The following SCML4 variants were observed in gnomAD, a reference collection of about 807,000 sequenced individuals.
The protein encoded by SCML4 is sex comb on midleg-like protein 4.
In SCML4, 34 loss-of-function variants were observed where a neutral mutation model predicts 41.1. That is an observed-to-expected ratio of 0.83 (90% CI 0.63 to 1.10). SCML4 has a LOEUF of 1.10. Among genes scored for constraint, SCML4 ranks in the 50% least tolerant of loss-of-function variants. The probability of loss-of-function intolerance (pLI) is 0.00; values close to 1 mark genes in which losing one functional copy is unlikely to be tolerated. For missense variants in SCML4, 522 were observed against 534.1 expected (o/e 0.98, Z 0.22); for synonymous variants, 214 against 220.9 (o/e 0.97, Z 0.28).
At chr6:107,768,682 A>C (rs1780271768) in intron 2 of SCML4, among the ~76,000 whole-genome samples, 1 of 152,250 alleles carries the variant, frequency 6.6e-6, no homozygotes, top group Admixed American at 6.5e-5. Context: ...GGATCAAATA[A>C]GAAATACACA....
intron 1 of SCML4, among the ~76,000 whole-genome samples, chr6:107,808,315 G>A (rs1324456668): frequency 6.6e-6 from 1 of 152,228 alleles, no homozygotes; most frequent in African/African-American, 2.4e-5. Context: ...AAATCATGCA[G>A]CAAGAGAAGG....
the SCML4 span, among the ~76,000 whole-genome samples, chr6:107,842,893 CATTACT>C: frequency 2.6e-5 from 4 of 152,024 alleles, no homozygotes; most frequent in African/African-American, 9.7e-5. Flanking sequence ...TATTATGTAA[CATTACT>C]ATTCCTGATA....
intron 2 of SCML4, 31 bp from the exon 3 acceptor site, chr6:107,749,844 A>G: frequency 6.2e-7 from 1 of 1,612,574 alleles, no homozygotes; most frequent in Non-Finnish European, 8.5e-7. Flanking sequence ...GGTCAATGAG[A>G]ATCTGGCAAT....
At chr6:107,731,832 G>A (rs1002598861) in intron 5 of SCML4, 5 of 152,430 alleles carry the variant, frequency 3.3e-5, no homozygotes, top group Non-Finnish European at 7.3e-5. Context: ...GCTTAGCCAG[G>A]TGCCATCACC....
intron 5 of SCML4, among the ~76,000 whole-genome samples, chr6:107,723,983 A>T (rs976286934): frequency 2.5e-4 from 38 of 152,198 alleles, no homozygotes; most frequent in African/African-American, 8.7e-4. Context: ...GATTTATCCC[A>T]GGAATGCAAG....
intron 6 of SCML4, chr6:107,720,166 C>T (rs1562177707): frequency 3.2e-6 from 3 of 934,248 alleles, no homozygotes; most frequent in East Asian, 1.2e-4. Context: ...GCAGAGCTAA[C>T]CTACAGCTTC....
intron 7 of SCML4, among the ~76,000 whole-genome samples, chr6:107,707,338 T>C (rs1403144617): frequency 6.6e-6 from 1 of 150,696 alleles, no homozygotes; most frequent in East Asian, 2.0e-4. Flanking sequence ...AAAATGCATA[T>C]AGTAAGCCTG....
chr6:107,766,085 G>T (rs926867743), intron 2 of SCML4, among the ~76,000 whole-genome samples: 1 of 152,190 alleles, frequency 6.6e-6, no homozygotes, highest in Non-Finnish European at 1.5e-5. Context: ...AAGAGGTCAA[G>T]GTTGGCCGGG....
chr6:107,788,656 T>A (rs575309693), intron 1 of SCML4, among the ~76,000 whole-genome samples: 32 of 152,318 alleles, frequency 2.1e-4, no homozygotes, highest in African/African-American at 7.5e-4. Flanking sequence ...GTGAAGCTGC[T>A]ACCAACACCC....
intron 1 of SCML4, among the ~76,000 whole-genome samples, chr6:107,798,634 T>G (rs879330482): frequency 6.6e-6 from 1 of 152,036 alleles, no homozygotes; most frequent in Non-Finnish European, 1.5e-5. Context: ...TTTTTTTTAC[T>G]TTGGACTTAA....
chr6:107,775,489 C>T (rs907508387), intron 1 of SCML4, among the ~76,000 whole-genome samples: 1 of 152,114 alleles, frequency 6.6e-6, no homozygotes, highest in Non-Finnish European at 1.5e-5. Flanking sequence ...ACGCCAGGGC[C>T]GGTTAATTTG....
At chr6:107,773,840 C>A (rs895269095) in intron 1 of SCML4, among the ~76,000 whole-genome samples, 1 of 152,152 alleles carries the variant, frequency 6.6e-6, no homozygotes, top group Non-Finnish European at 1.5e-5. Flanking sequence ...TGCCCAAAAG[C>A]TTGTAGAAGA....
the SCML4 span, among the ~76,000 whole-genome samples, chr6:107,836,178 A>T: frequency 2.6e-5 from 4 of 152,156 alleles, no homozygotes; most frequent in Non-Finnish European, 5.9e-5. Context: ...AACAGAATAA[A>T]TTTCTTAAAA....
chr6:107,763,289 A>C (rs1306877205), intron 2 of SCML4, among the ~76,000 whole-genome samples: 4 of 151,896 alleles, frequency 2.6e-5, no homozygotes, highest in Admixed American at 1.3e-4. Flanking sequence ...CTAACACCCA[A>C]TGTGAAGGTA....
At chr6:107,839,393 G>GAAACAAAGAAAC in the SCML4 span, among the ~76,000 whole-genome samples, 7 of 134,388 alleles carry the variant, frequency 5.2e-5, no homozygotes, top group African/African-American at 2.0e-4. Flanking sequence ...AAGAAAGAAA[G>GAAACAAAGAAAC]AAAGAAAGAA....
chr6:107,744,071 A>G (rs1191984499), intron 5 of SCML4: 1 of 152,208 alleles, frequency 6.6e-6, no homozygotes, highest in African/African-American at 2.4e-5. Flanking sequence ...ATGTTTGCAG[A>G]CTAACGTAAT....
intron 6 of SCML4, among the ~76,000 whole-genome samples, chr6:107,709,496 G>A (rs905554352): frequency 1.1e-4 from 16 of 152,212 alleles, no homozygotes; most frequent in Non-Finnish European, 2.1e-4. Flanking sequence ...GCTCTCCTGT[G>A]CACCACCTGT....
At chr6:107,805,456 TTTTGAAAGCATCACG>T (rs1459983710) in intron 1 of SCML4, among the ~76,000 whole-genome samples, 1 of 152,216 alleles carries the variant, frequency 6.6e-6, no homozygotes, top group Non-Finnish European at 1.5e-5. Context: ...GATTGTGGCC[TTTTGAAAGCATCACG>T]TCCTTCCATT....
intron 1 of SCML4, among the ~76,000 whole-genome samples, chr6:107,820,567 A>C (rs1784872159): frequency 6.6e-6 from 1 of 152,208 alleles, no homozygotes; most frequent in African/African-American, 2.4e-5. Context: ...GCACTTCTTC[A>C]AGTCTCAAAC....
Sources: allele counts gnomAD v4.1 joint callset (sites outside exome capture counted in the v4.1 genomes callset), GRCh38; gene constraint gnomAD v4.1.1; transcripts MANE v1.5; gene names NCBI Gene and HGNC (gene_info 2026-07-23, HGNC 2026-07-21).